Variants in LRCH1 observed in about 807,000 individuals in gnomAD.
LRCH1 encodes the protein leucine rich repeats and calponin homology domain containing 1.
Under a neutral mutation model 94.9 loss-of-function variants are expected in LRCH1, and 23 were observed. The ratio of observed to expected loss-of-function variants is 0.24; its 90% CI spans 0.17 to 0.34. The LOEUF is 0.34. LRCH1 is among the 10% of genes least tolerant of loss of function. The pLI, the probability that LRCH1 is intolerant of heterozygous loss-of-function variation, is 1.00. For synonymous variants in LRCH1, 364 were observed against 354.9 expected (o/e 1.03, Z -0.29); for missense variants, 790 against 945.9 (o/e 0.84, Z 2.16).
In LRCH1 at chr13:46,681,735, A is replaced by C. The variant is rs747390258; in HGVS notation, c.580-6A>C. 17 of 1,589,652 alleles carry C rather than the reference A, an allele frequency of 1.1e-5. No homozygotes were observed. Among genetic ancestry groups the C allele is most frequent in the Non-Finnish European group, 1.5e-5 (17 of 1,157,854 alleles). On this transcript the variant is annotated splice_polypyrimidine_tract_variant and splice_region_variant and intron_variant, in intron 3 of 19. Transcript: ENST00000389797. ...TTTATTATTTCTCTCTCTGCTTTTGATACAGGATGTCAGCTGCAACGAGAT... is the reference window on the plus strand; with the variant it reads ...TTTATTATTTCTCTCTCTGCTTTTGCTACAGGATGTCAGCTGCAACGAGAT...
At chr13:46,668,741 TGGC>T (rs1300461450) in intron 2 of LRCH1, among the ~76,000 whole-genome samples, 8 of 51,164 alleles carry the variant, frequency 1.6e-4, no homozygotes, top group African/African-American at 2.4e-4. Flanking sequence ...GGTGGCGGGG[TGGC>T]GGGGGGACTT....
chr13:46,744,774 C>A lies in LRCH1; in HGVS notation c.*2926C>A. Reference sequence around the variant, plus strand: ...GATGATATTTTAAAATTTTAAGAAACTGAAAGTTGTTTTGGATTAGGTGAA... The same window carrying A: ...GATGATATTTTAAAATTTTAAGAAAATGAAAGTTGTTTTGGATTAGGTGAA... On this transcript the variant is annotated 3_prime_UTR_variant, in exon 20 of 20. Coordinates refer to ENST00000389797, the MANE Select transcript of LRCH1 (RefSeq NM_001164211.2). The A allele has an allele frequency of 3.0e-6, 3 of 985,242 alleles. No homozygotes were observed. Among genetic ancestry groups the A allele is most frequent in the Non-Finnish European group, 3.6e-6 (3 of 829,810 alleles). The allele number at this position is 985,242 out of a possible 1,614,324, so 61.0% of individuals were successfully genotyped here.
At position 46,627,039 on chromosome 13, in the gene LRCH1, T is replaced by C. The variant is rs1293866199; in HGVS notation, c.308-23162T>C. On this transcript the variant is annotated intron_variant, in intron 1 of 19. Transcript: ENST00000389797. ...TCCGACATCTTTTAGTTAGACAGCA[T>C]AGTGAAATGGAAAGAAATTTTGAAT... Among the ~76,000 whole-genome samples the C allele has an allele frequency of 2.0e-5, 3 of 152,294 alleles. No individual in the cohort carries two copies. In the East Asian group the frequency reaches 5.8e-4, roughly 29 times the overall value.
intron 1 of LRCH1, among the ~76,000 whole-genome samples, chr13:46,644,429 C>T (rs535712055): frequency 4.6e-5 from 7 of 152,246 alleles, no homozygotes; most frequent in South Asian, 2.1e-4. Context: ...TTTCCATTTC[C>T]GTAGCTATCC....
At chr13:46,713,941 C>A (rs867769927) in intron 15 of LRCH1, among the ~76,000 whole-genome samples, 20 of 152,282 alleles carry the variant, frequency 1.3e-4, no homozygotes, top group Middle Eastern at 3.4e-3. Flanking sequence ...CATAATTGAG[C>A]AAATCAAAAG....
chr13:46,700,765 A>C (rs907393092), intron 10 of LRCH1, among the ~76,000 whole-genome samples: 3 of 152,176 alleles, frequency 2.0e-5, no homozygotes, highest in Non-Finnish European at 2.9e-5. Context: ...AGTAGTACAG[A>C]CTCAGCCAGG....
At chr13:46,570,086 T>A (rs2050225414) in intron 1 of LRCH1, among the ~76,000 whole-genome samples, 1 of 152,218 alleles carries the variant, frequency 6.6e-6, no homozygotes, top group African/African-American at 2.4e-5. Flanking sequence ...AGATATTGTG[T>A]TCTCCACTTT....
At chr13:46,660,131 C>G (rs2051427820) in intron 2 of LRCH1, among the ~76,000 whole-genome samples, 2 of 146,136 alleles carry the variant, frequency 1.4e-5, no homozygotes, top group African/African-American at 2.5e-5. Context: ...CCTGCCTCGG[C>G]CTCCCTAGTA....
chr13:46,650,433 G>C, intron 2 of LRCH1, 88 bp downstream of exon 2: 3 of 1,190,422 alleles, frequency 2.5e-6, no homozygotes, highest in Admixed American at 6.0e-5. Context: ...TCCCCTTTTT[G>C]CAATTCTTGA....
Position 46,553,409 on chromosome 13 carries a change from G to C in LRCH1, c.13G>C (p.Gly5Arg), listed in dbSNP as rs745815906. The change falls in exon 1 of 20, where the codon GGA becomes CGA. Residue 5 changes from glycine (G) to arginine (R), a missense_variant. Transcript: ENST00000389797. MATP[G>R]SEPQPFVPAL... ...GGCCCGGGAGAAGATGGCGACGCCG[G>C]GAAGCGAACCCCAACCTTTCGTCCC... 1.9e-6 allele frequency: 3 copies of C among 1,541,668 alleles called. No homozygotes were observed. The South Asian group carries it at 3.6e-5, about 18-fold the overall frequency.
chr13:46,578,596 C>T (rs1489390975), intron 1 of LRCH1, among the ~76,000 whole-genome samples: 1 of 152,160 alleles, frequency 6.6e-6, no homozygotes, highest in African/African-American at 2.4e-5. Context: ...TAAGAATAAC[C>T]TATTTCTGTT....
chr13:46,709,007 T>G (rs1268206850), intron 13 of LRCH1, among the ~76,000 whole-genome samples: 1 of 152,162 alleles, frequency 6.6e-6, no homozygotes, highest in Admixed American at 6.5e-5. Flanking sequence ...GGATTAGGCT[T>G]TGGTAAGCAA....
At chr13:46,569,024 T>G (rs1278422581) in intron 1 of LRCH1, among the ~76,000 whole-genome samples, 1 of 152,238 alleles carries the variant, frequency 6.6e-6, no homozygotes, top group African/African-American at 2.4e-5. Flanking sequence ...TGCCTCCTAT[T>G]AGAAGACTGA....
At chr13:46,654,643 T>G (rs2051348689) in intron 2 of LRCH1, among the ~76,000 whole-genome samples, 1 of 152,196 alleles carries the variant, frequency 6.6e-6, no homozygotes, top group South Asian at 2.1e-4. Flanking sequence ...TTTTGATGTA[T>G]GGGGAAGTCG....
At chr13:46,705,335 T>C (rs757360062) in intron 13 of LRCH1, 31 bp downstream of exon 13, 8 of 1,604,570 alleles carry the variant, frequency 5.0e-6, no homozygotes, top group Non-Finnish European at 8.5e-7. Flanking sequence ...ACCAGAACTC[T>C]GTGCAATATT....
At position 46,626,631 on chromosome 13, in the gene LRCH1, T is replaced by A. The variant is rs369481774; in HGVS notation, c.308-23570T>A. Among the ~76,000 whole-genome samples the A allele has an allele frequency of 6.8e-4, 104 of 152,342 alleles. 2 individuals are homozygous for A. The South Asian group carries it at 0.014, about 20-fold the overall frequency. ...ACTCTCTTTTCGGACTCAGCCCACC[T>A]GCACCCAGGTGAAATAAACAGCCAT... On this transcript the variant is annotated intron_variant, in intron 1 of 19. Transcript: ENST00000389797.
chr13:46,569,674 C>T (rs148430486), intron 1 of LRCH1, among the ~76,000 whole-genome samples: 3 of 152,094 alleles, frequency 2.0e-5, no homozygotes, highest in Non-Finnish European at 4.4e-5. Flanking sequence ...TGGTATCTGG[C>T]GCCAACCCGC....
intron 16 of LRCH1, among the ~76,000 whole-genome samples, chr13:46,722,915 G>A (rs1000088849): frequency 6.6e-6 from 1 of 152,246 alleles, no homozygotes; most frequent in Admixed American, 6.5e-5. Flanking sequence ...GTGGGAAGAT[G>A]AGTGAAGTAG....
chr13:46,662,506 C>T (rs994016513), intron 2 of LRCH1, among the ~76,000 whole-genome samples: 2 of 152,158 alleles, frequency 1.3e-5, no homozygotes, highest in African/African-American at 4.8e-5. Context: ...TGATTTTGAG[C>T]ATTCAATTCC....
Sources: gnomAD v4.1 joint callset for allele counts (sites outside exome capture counted in the v4.1 genomes callset) on GRCh38, gnomAD v4.1.1 for gene constraint, MANE v1.5 for transcripts, NCBI Gene and HGNC (gene_info 2026-07-23, HGNC 2026-07-21) for gene names.